The following TEAD4 variants were observed in gnomAD, a reference collection of about 807,000 sequenced individuals.
The protein encoded by TEAD4 is TEA domain transcription factor 4.
TEAD4 carries 36 observed loss-of-function variants against 52.4 expected under a neutral mutation model. The ratio of observed to expected loss-of-function variants is 0.69; its 90% CI spans 0.53 to 0.91. The LOEUF (loss-of-function observed/expected upper bound fraction) is 0.91, where lower values mean the gene tolerates loss of function less well. Among genes scored for constraint, TEAD4 ranks in the 40% least tolerant of loss-of-function variants. The pLI is 0.00. For synonymous variants in TEAD4, 220 were observed against 231.0 expected (o/e 0.95, Z 0.43); for missense variants, 508 against 583.9 (o/e 0.87, Z 1.34).
intron 2 of TEAD4, among the ~76,000 whole-genome samples, chr12:2,972,757 T>G (rs1184197046): frequency 1.3e-5 from 2 of 152,074 alleles, no homozygotes; most frequent in African/African-American, 4.8e-5. Flanking sequence ...CGCCTCGGCC[T>G]CCCAAAGTGC....
chr12:2,987,150 G>T (rs1472207996), intron 2 of TEAD4, among the ~76,000 whole-genome samples: 1 of 152,118 alleles, frequency 6.6e-6, no homozygotes, highest in Non-Finnish European at 1.5e-5. Flanking sequence ...TTTCTGTGAG[G>T]ACCTTCACCT....
intron 2 of TEAD4, among the ~76,000 whole-genome samples, chr12:2,992,266 G>A (rs887672676): frequency 7.2e-5 from 11 of 152,062 alleles, no homozygotes; most frequent in South Asian, 2.1e-4. Flanking sequence ...GGATCCACCC[G>A]CCTCGGCCTC....
Position 2,994,876 on chromosome 12 carries a change from A to C in TEAD4, c.110A>C (p.Asn37Thr), listed in dbSNP as rs776850143. ...CAGGCACTGGACAAGCCCATCGACA[A>C]TGACGCAGAGGGCGTGTGGAGCCCG... The change falls in exon 3 of 13, where the codon AAT (asparagine) becomes ACT (threonine). Residue 37 changes from asparagine to threonine, a missense_variant. Coordinates refer to ENST00000359864, the MANE Select transcript of TEAD4 (RefSeq NM_003213.4). The surrounding 1 kb of genome is among the most constrained non-coding windows in gnomAD (Gnocchi z 4.7). 3.7e-6 allele frequency: 6 copies of C among 1,614,128 alleles called. No homozygotes were observed. The highest frequency in any genetic ancestry group is 5.1e-6 in the Non-Finnish European group (6 of 1,180,014).
rs375115024 is a variant in TEAD4 at position 3,016,604 on chromosome 12, GA to G, written c.355-779del. Among the ~76,000 whole-genome samples, 371 of 129,402 alleles carry G rather than the reference GA, an allele frequency of 2.9e-3. 1 individual carries two copies. Among genetic ancestry groups the G allele is most frequent in the Middle Eastern group, 0.012 (3 of 256 alleles). The allele number at this position is 129,402 out of a possible 152,430, so 84.9% of individuals were successfully genotyped here. A position where few individuals can be genotyped will look rare whatever the true frequency, so the allele number is the denominator to read the frequency against. On this transcript the variant is annotated intron_variant, in intron 5 of 12. Coordinates refer to ENST00000359864, the MANE Select transcript of TEAD4 (RefSeq NM_003213.4). ...GCGACAGAGTGAGACCCTGTCTCTG[GA>G]AAAAAAAAAAAAAAGAAGAAGAAAA...
intron 9 of TEAD4, among the ~76,000 whole-genome samples, chr12:3,021,323 T>TG (rs1262376725): frequency 2.0e-5 from 3 of 151,166 alleles, no homozygotes; most frequent in Non-Finnish European, 4.4e-5. Flanking sequence ...TTTTTTTTTT[T>TG]TCTTGAGACA....
chr12:3,011,094 T>C lies in TEAD4; in HGVS notation c.291+26T>C. On this transcript the variant is annotated intron_variant, in intron 4 of 12. Coordinates refer to ENST00000359864, the MANE Select transcript of TEAD4 (RefSeq NM_003213.4). ...GTGGGCCTCAAGAGACGGGTAGGGG[T>C]CCCGGGGGTGGTACCCCAGCACCAG... 2.5e-6 allele frequency: 4 copies of C among 1,613,432 alleles called. 1 individual carries two copies. The South Asian group carries it at 3.3e-5, about 13-fold the overall frequency.
intron 2 of TEAD4, among the ~76,000 whole-genome samples, chr12:2,975,411 G>A (rs1011404161): frequency 1.7e-4 from 25 of 149,158 alleles, no homozygotes; most frequent in Non-Finnish European, 3.0e-4. Context: ...TACTAGAGAT[G>A]GAGTCTTGCT....
chr12:2,985,109 C>T (rs948351096), intron 2 of TEAD4, among the ~76,000 whole-genome samples: 7 of 152,224 alleles, frequency 4.6e-5, no homozygotes, highest in African/African-American at 9.6e-5. Context: ...CACTTTAAAA[C>T]GCAAACACCT....
rs776370631 is a variant in TEAD4, at chr12:3,040,091, TC to T, written c.1039-12del. 4.3e-6 allele frequency: 7 copies of T among 1,613,574 alleles called. No individual in the cohort carries two copies. The highest frequency in any genetic ancestry group is 5.9e-6 in the Non-Finnish European group (7 of 1,179,594). ...AGAATGGGATTCTAAGCCCCTGCTC[TC>T]CCCGGGTCCTGCAGACAGAGTATGC... On this transcript the variant is annotated splice_polypyrimidine_tract_variant and intron_variant, in intron 11 of 12. Transcript: ENST00000359864.
At chr12:2,985,284 C>CTGAGGCAGGAGAA (rs537790737) in intron 2 of TEAD4, among the ~76,000 whole-genome samples, 341 of 151,620 alleles carry the variant, frequency 2.2e-3, no homozygotes, top group African/African-American at 7.8e-3. Flanking sequence ...GCTCAGGAGG[C>CTGAGGCAGGAGAA]TGAGGCAGGA....
chr12:3,018,241 C>A (rs2098266001), intron 6 of TEAD4, among the ~76,000 whole-genome samples: 2 of 152,208 alleles, frequency 1.3e-5, no homozygotes, highest in Non-Finnish European at 2.9e-5. Context: ...TAAGTGGGTT[C>A]TTGGCACTGG....
At chr12:3,012,993 C>T (rs911740520) in intron 5 of TEAD4, among the ~76,000 whole-genome samples, 2 of 152,196 alleles carry the variant, frequency 1.3e-5, no homozygotes, top group African/African-American at 4.8e-5. Context: ...GTCTCTGTCA[C>T]CCACGCTCAG....
chr12:3,035,378 T>A (rs1196043504), intron 10 of TEAD4, among the ~76,000 whole-genome samples: 1 of 152,224 alleles, frequency 6.6e-6, no homozygotes, highest in Non-Finnish European at 1.5e-5. Context: ...CAGCTGGGCT[T>A]CCTGCCAGCG....
Position 2,997,808 on chromosome 12 carries a change from G to GT in TEAD4, c.226+2816_226+2817insT, listed in dbSNP as rs547979054. Among the ~76,000 whole-genome samples, 31 of 142,996 alleles carry GT rather than the reference G, an allele frequency of 2.2e-4. No homozygotes were observed. The South Asian group carries it at 6.6e-3, about 30-fold the overall frequency. 93.8% of individuals were successfully genotyped at this position (142,996 alleles called of 152,430 possible). On this transcript the variant is annotated intron_variant, in intron 3 of 12. Transcript: ENST00000359864. ...GGGCTTTGAGGACTTGCTTTTTCGG[G>GT]GGGGGGGTGTGTGTGTGTTAAAAAA...
At chr12:2,997,622 G>A (rs1464601805) in intron 3 of TEAD4, among the ~76,000 whole-genome samples, 2 of 152,070 alleles carry the variant, frequency 1.3e-5, no homozygotes, top group East Asian at 3.9e-4. Context: ...AGGTCTGTGT[G>A]CTTTAGAGAC....
At chr12:2,991,438 G>T (rs1248611275) in intron 2 of TEAD4, among the ~76,000 whole-genome samples, 1 of 152,174 alleles carries the variant, frequency 6.6e-6, no homozygotes, top group Non-Finnish European at 1.5e-5. Flanking sequence ...GAGGTGGATG[G>T]ATCACCTGAG....
Position 3,017,452 on chromosome 12 carries a change from C to G in TEAD4, c.409C>G (p.Gln137Glu). ...GAGCATGGCTGCCATGTCGTCTGCACAGATCATCTCCGCCACGGCCTTCCA... is the reference window on the plus strand; with the variant it reads ...GAGCATGGCTGCCATGTCGTCTGCAGAGATCATCTCCGCCACGGCCTTCCA... The change falls in exon 6 of 13, where the codon CAG becomes GAG. Residue 137 changes from glutamine to glutamate, a missense_variant. By Grantham distance (29) the Gln-to-Glu change is conservative. Coordinates refer to ENST00000359864, the MANE Select transcript of TEAD4 (RefSeq NM_003213.4). The G allele has an allele frequency of 6.2e-7, 1 of 1,614,192 alleles. No individual in the cohort carries two copies. The highest frequency in any genetic ancestry group is 2.2e-5 in the East Asian group (1 of 44,870).
intron 11 of TEAD4, 132 bp from the exon 12 acceptor site, chr12:3,039,975 C>T (rs1252233597): frequency 1.6e-6 from 2 of 1,247,050 alleles, no homozygotes; most frequent in East Asian, 4.7e-5. Flanking sequence ...GTGTGAGCCA[C>T]TGCCCCTGGC....
chr12:3,013,389 C>A (rs77692554), intron 5 of TEAD4, among the ~76,000 whole-genome samples: 6,744 of 152,102 alleles, frequency 0.044, 480 homozygotes, highest in African/African-American at 0.15. Flanking sequence ...TCCTCCCGCG[C>A]ATCCTTTCCC....
Sources: allele counts gnomAD v4.1 joint callset (sites outside exome capture counted in the v4.1 genomes callset), GRCh38; gene constraint gnomAD v4.1.1; non-coding constraint Gnocchi (gnomAD v3.1); transcripts MANE v1.5; gene names NCBI Gene and HGNC (gene_info 2026-07-23, HGNC 2026-07-21).